The following SINHCAF variants were observed in gnomAD, a reference collection of about 807,000 sequenced individuals.
The protein encoded by SINHCAF is SIN3-HDAC complex-associated factor.
A neutral mutation model predicts 25.8 loss-of-function variants in SINHCAF; 3 were observed. The observed-to-expected ratio is 0.12, with a 90% CI of 0.05 to 0.30. The LOEUF (loss-of-function observed/expected upper bound fraction) is 0.30, where lower values mean the gene tolerates loss of function less well. SINHCAF is among the 10% of genes least tolerant of loss of function. SINHCAF has a pLI of 1.00. For missense variants in SINHCAF, 121 were observed against 262.3 expected, an observed-to-expected ratio of 0.46 and a Z score of 3.72; for synonymous variants, 70 against 85.5, an observed-to-expected ratio of 0.82 and a Z score of 1.00.
rs923258555 is a variant in SINHCAF at position 31,325,321 on chromosome 12, T to C, written c.-21+703A>G. The C allele has an allele frequency of 1.6e-5, 7 of 439,166 alleles. No individual in the cohort carries two copies. Among genetic ancestry groups the C allele is most frequent in the African/African-American group, 1.2e-4 (6 of 49,334 alleles). 27.2% of individuals were successfully genotyped at this position (439,166 alleles called of 1,614,324 possible). ...AGGCGAGTGGAAGACGGGCTGTTTTTAAGCGACCGCGTGTTGCTCTCATTG... is the reference window on the plus strand; with the variant it reads ...AGGCGAGTGGAAGACGGGCTGTTTTCAAGCGACCGCGTGTTGCTCTCATTG... On this transcript the variant is annotated intron_variant, in intron 1 of 5. Coordinates refer to ENST00000337682, the MANE Select transcript of SINHCAF (RefSeq NM_001135812.2). This position sits in a 1 kb window ranked among gnomAD's most constrained non-coding sequence, Gnocchi z 5.9.
intron 3 of SINHCAF, 48 bp downstream of exon 3, chr12:31,295,186 T>G (rs1373207427): frequency 8.8e-7 from 1 of 1,140,960 alleles, no homozygotes; most frequent in Non-Finnish European, 1.3e-6. Flanking sequence ...TTAATGTTAC[T>G]TTAAATACAG....
intron 1 of SINHCAF, among the ~76,000 whole-genome samples, chr12:31,305,558 T>C (rs1938987557): frequency 6.6e-6 from 1 of 152,044 alleles, no homozygotes; most frequent in African/African-American, 2.4e-5. Context: ...ATTTAGCCAG[T>C]TGTGTTTTTA....
At chr12:31,294,184 A>G (rs1482190610) in intron 3 of SINHCAF, among the ~76,000 whole-genome samples, 2 of 152,144 alleles carry the variant, frequency 1.3e-5, no homozygotes, top group African/African-American at 4.8e-5. Context: ...AGATTTGTAT[A>G]TGGGATAATC....
At chr12:31,305,405 T>G (rs1938980677) in intron 1 of SINHCAF, among the ~76,000 whole-genome samples, 1 of 152,148 alleles carries the variant, frequency 6.6e-6, no homozygotes, top group Non-Finnish European at 1.5e-5. Context: ...TTCAGTAAAT[T>G]TGTATCAGTC....
intron 1 of SINHCAF, chr12:31,298,474 G>C (rs921278169): frequency 5.0e-6 from 2 of 397,526 alleles, no homozygotes; most frequent in African/African-American, 4.0e-5. Flanking sequence ...TAACAAACAT[G>C]CAATCTAAAA....
intron 1 of SINHCAF, among the ~76,000 whole-genome samples, chr12:31,307,000 G>A (rs1028796315): frequency 6.6e-6 from 1 of 152,160 alleles, no homozygotes; most frequent in Non-Finnish European, 1.5e-5. Flanking sequence ...AAACCATTCT[G>A]TCTTAGCATT....
rs1402987555 is a variant in SINHCAF at position 31,281,903 on chromosome 12, G to C, written c.*809C>G. The C allele has an allele frequency of 6.6e-6, 1 of 152,278 alleles. No individual in the cohort carries two copies. 9.4% of individuals were successfully genotyped at this position (152,278 alleles called of 1,614,324 possible). ...AATTACTTTCTCCTCCAAGGTATTTGCAACAGAAAGCTCAGTCTGTCCTGC... is the reference window on the plus strand; with the variant it reads ...AATTACTTTCTCCTCCAAGGTATTTCCAACAGAAAGCTCAGTCTGTCCTGC... On this transcript the variant is annotated 3_prime_UTR_variant, in exon 6 of 6. Coordinates refer to ENST00000337682, the MANE Select transcript of SINHCAF (RefSeq NM_001135812.2).
intron 5 of SINHCAF, 29 bp from the exon 6 acceptor site, chr12:31,282,900 A>G: frequency 2.6e-6 from 4 of 1,520,716 alleles, no homozygotes; most frequent in Non-Finnish European, 2.7e-6. Flanking sequence ...AACAAGATAC[A>G]TTAATAAGGA....
chr12:31,318,188 GC>G (rs1939564652), intron 1 of SINHCAF, among the ~76,000 whole-genome samples: 2 of 152,158 alleles, frequency 1.3e-5, no homozygotes, highest in South Asian at 2.1e-4. Flanking sequence ...TTCTCCCGCG[GC>G]TAGGCTATTT....
At chr12:31,285,448 CACACACAT>C (rs1224337492) in intron 5 of SINHCAF, among the ~76,000 whole-genome samples, 1 of 151,556 alleles carries the variant, frequency 6.6e-6, no homozygotes, top group Non-Finnish European at 1.5e-5. Flanking sequence ...CACACACACA[CACACACAT>C]AAATAAATGT....
chr12:31,315,888 G>A (rs760506473), intron 1 of SINHCAF, among the ~76,000 whole-genome samples: 2 of 152,230 alleles, frequency 1.3e-5, no homozygotes, highest in South Asian at 2.1e-4. Flanking sequence ...AACCATGGCC[G>A]GGCGTGGTGG....
At chr12:31,284,171 T>C (rs1937938162) in intron 5 of SINHCAF, among the ~76,000 whole-genome samples, 1 of 152,228 alleles carries the variant, frequency 6.6e-6, no homozygotes, top group African/African-American at 2.4e-5. Context: ...TAACTGACAG[T>C]GTTCTCATCA....
intron 5 of SINHCAF, among the ~76,000 whole-genome samples, chr12:31,286,938 AAT>A (rs999599038): frequency 9.9e-5 from 15 of 151,954 alleles, no homozygotes; most frequent in Admixed American, 9.8e-4. Flanking sequence ...TGTTTTTTTA[AAT>A]AGAGTCTTGC....
intron 1 of SINHCAF, among the ~76,000 whole-genome samples, chr12:31,307,263 T>C (rs755095685): frequency 4.6e-5 from 7 of 152,192 alleles, no homozygotes; most frequent in Non-Finnish European, 7.3e-5. Context: ...AAACAAATAC[T>C]AACTACCTGG....
intron 1 of SINHCAF, chr12:31,312,041 G>GGAT (rs1939290755): frequency 5.2e-6 from 3 of 582,378 alleles, no homozygotes; most frequent in Non-Finnish European, 6.4e-6. Flanking sequence ...ATCAGAAAGA[G>GGAT]GATGGTACCA....
At chr12:31,305,565 T>A (rs1036817352) in intron 1 of SINHCAF, among the ~76,000 whole-genome samples, 14 of 152,142 alleles carry the variant, frequency 9.2e-5, no homozygotes, top group Admixed American at 7.2e-4. Context: ...CAGTTGTGTT[T>A]TTATTATTCC....
intron 1 of SINHCAF, chr12:31,305,018 A>C (rs1938962440): frequency 6.6e-6 from 1 of 152,204 alleles, no homozygotes; most frequent in Non-Finnish European, 1.5e-5. Flanking sequence ...TTAGCTGTCC[A>C]CTCAGATGTT....
intron 1 of SINHCAF, among the ~76,000 whole-genome samples, chr12:31,312,382 G>A (rs1014991368): frequency 2.7e-5 from 4 of 147,050 alleles, no homozygotes; most frequent in African/African-American, 7.3e-5. Context: ...GTGAGTGTGT[G>A]TATTTCTAGG....
intron 1 of SINHCAF, among the ~76,000 whole-genome samples, chr12:31,309,670 T>TC: frequency 6.6e-6 from 1 of 150,582 alleles, no homozygotes; most frequent in East Asian, 1.9e-4. Context: ...TGTGATTTTT[T>TC]TTTTTTTTTT....
Sources: gnomAD v4.1 joint callset for allele counts (sites outside exome capture counted in the v4.1 genomes callset) on GRCh38, gnomAD v4.1.1 for gene constraint, Gnocchi (gnomAD v3.1) non-coding constraint, MANE v1.5 for transcripts, NCBI Gene and HGNC (gene_info 2026-07-23, HGNC 2026-07-21) for gene names.